SMYD3: variants seen among roughly 807,000 people sequenced by gnomAD.
The protein encoded by SMYD3 is histone-lysine N-methyltransferase SMYD3.
A neutral mutation model predicts 57.7 loss-of-function variants in SMYD3; 36 were observed. The observed-to-expected ratio is 0.62, with a 90% CI of 0.48 to 0.82. The LOEUF (loss-of-function observed/expected upper bound fraction) is 0.82, where lower values mean the gene tolerates loss of function less well. Among genes scored for constraint, SMYD3 ranks in the 40% least tolerant of loss-of-function variants. The pLI, the probability that SMYD3 is intolerant of heterozygous loss-of-function variation, is 0.00. For synonymous variants in SMYD3, 211 were observed against 195.0 expected (o/e 1.08, Z -0.68); for missense variants, 515 against 538.8 (o/e 0.96, Z 0.44).
At chr1:246,079,405 G>T (rs149008945) in intron 5 of SMYD3, among the ~76,000 whole-genome samples, 2 of 152,190 alleles carry the variant, frequency 1.3e-5, no homozygotes, top group African/African-American at 4.8e-5. Context: ...GAAGATTGAT[G>T]TATTTATTAC....
At chr1:246,400,392 A>T (rs993849623) in intron 1 of SMYD3, among the ~76,000 whole-genome samples, 1 of 152,154 alleles carries the variant, frequency 6.6e-6, no homozygotes, top group Non-Finnish European at 1.5e-5. Flanking sequence ...TTTCAAAGCC[A>T]TTATTTATTT....
chr1:246,378,253 G>T (rs182044870), intron 1 of SMYD3, among the ~76,000 whole-genome samples: 1 of 152,262 alleles, frequency 6.6e-6, no homozygotes, highest in East Asian at 1.9e-4. Flanking sequence ...TTAAAATTTA[G>T]TTGACCACTG....
intron 5 of SMYD3, among the ~76,000 whole-genome samples, chr1:246,302,541 G>T (rs2064908645): frequency 6.6e-6 from 1 of 152,104 alleles, no homozygotes; most frequent in African/African-American, 2.4e-5. Context: ...GAAAACAGAA[G>T]ACTACTTCTG....
At chr1:246,273,135 CTT>C (rs71299006) in intron 5 of SMYD3, among the ~76,000 whole-genome samples, 1,703 of 107,588 alleles carry the variant, frequency 0.016, 32 homozygotes, top group African/African-American at 0.058. Context: ...TCCCTGTTTT[CTT>C]TTTTTTTTTT....
At chr1:246,430,242 T>C (rs2067276723) in intron 1 of SMYD3, among the ~76,000 whole-genome samples, 1 of 152,156 alleles carries the variant, frequency 6.6e-6, no homozygotes, top group African/African-American at 2.4e-5. Context: ...ATCAATAAAA[T>C]ACAGGGGCTC....
intron 5 of SMYD3, among the ~76,000 whole-genome samples, chr1:246,047,376 A>C (rs188703112): frequency 2.0e-5 from 3 of 152,250 alleles, no homozygotes; most frequent in Non-Finnish European, 4.4e-5. Context: ...CCAAGTGTTA[A>C]ATCACTCAAT....
intron 10 of SMYD3, among the ~76,000 whole-genome samples, chr1:245,791,037 TG>T (rs1452246219): frequency 6.6e-6 from 1 of 152,124 alleles, no homozygotes; most frequent in Non-Finnish European, 1.5e-5. Flanking sequence ...GTGCAGGAAC[TG>T]GGGAGAAAGG....
chr1:246,010,731 T>C (rs1266100398), intron 5 of SMYD3, among the ~76,000 whole-genome samples: 1 of 152,230 alleles, frequency 6.6e-6, no homozygotes, highest in Non-Finnish European at 1.5e-5. Flanking sequence ...AGGGCTAAAA[T>C]AATTGTTCCA....
intron 5 of SMYD3, among the ~76,000 whole-genome samples, chr1:246,012,045 C>A (rs1011048052): frequency 1.3e-5 from 2 of 152,108 alleles, no homozygotes; most frequent in Admixed American, 6.5e-5. Context: ...TATCATTATC[C>A]ACTGATACTG....
chr1:246,457,360 C>T (rs1245453407), intron 1 of SMYD3, among the ~76,000 whole-genome samples: 7 of 151,576 alleles, frequency 4.6e-5, no homozygotes, highest in African/African-American at 1.7e-4. Context: ...GGTGAAACCC[C>T]GTCTCTATTA....
intron 8 of SMYD3, among the ~76,000 whole-genome samples, chr1:245,904,187 C>CCA (rs2054391988): frequency 6.6e-6 from 1 of 152,088 alleles, no homozygotes; most frequent in South Asian, 2.1e-4. Context: ...ATCATGGGGG[C>CCA]TGTTTTCCTG....
intron 5 of SMYD3, among the ~76,000 whole-genome samples, chr1:246,099,678 A>G (rs2060975906): frequency 6.6e-6 from 1 of 152,196 alleles, no homozygotes; most frequent in Non-Finnish European, 1.5e-5. Context: ...AAGGGAAAAA[A>G]AACACCCTTG....
At chr1:246,236,071 A>G (rs2063508592) in intron 5 of SMYD3, among the ~76,000 whole-genome samples, 1 of 152,208 alleles carries the variant, frequency 6.6e-6, no homozygotes, top group African/African-American at 2.4e-5. Flanking sequence ...TTGAGGGCTC[A>G]TAAGGCAGAA....
At chr1:245,905,759 G>A (rs141004066) in intron 8 of SMYD3, among the ~76,000 whole-genome samples, 26 of 152,292 alleles carry the variant, frequency 1.7e-4, no homozygotes, top group African/African-American at 5.8e-4. Context: ...GGTCTTGGGC[G>A]AGACCCAGCA....
chr1:245,972,351 G>A, intron 5 of SMYD3, among the ~76,000 whole-genome samples: 1 of 152,158 alleles, frequency 6.6e-6, no homozygotes, highest in Admixed American at 6.5e-5. Context: ...CAACAACACA[G>A]TGTTCAATGG....
chr1:246,400,177 C>T (rs2066744532), intron 1 of SMYD3, among the ~76,000 whole-genome samples: 1 of 152,340 alleles, frequency 6.6e-6, no homozygotes, highest in Middle Eastern at 3.4e-3. Flanking sequence ...TTTAACAGGT[C>T]ACTCGTTCAT....
chr1:246,296,859 A>T (rs936122478), intron 5 of SMYD3, among the ~76,000 whole-genome samples: 2 of 152,212 alleles, frequency 1.3e-5, no homozygotes, highest in African/African-American at 4.8e-5. Context: ...CTTAGTACAG[A>T]TAACATATTT....
Position 245,873,339 on chromosome 1 carries a change from GACT to G in SMYD3, c.814-9456_814-9454del, listed in dbSNP as rs148734680. 3.3e-3 allele frequency among the ~76,000 whole-genome samples: 510 copies of G among 152,316 alleles called. 7 individuals are homozygous for G. The East Asian group carries it at 0.047, about 14-fold the overall frequency. On this transcript the variant is annotated intron_variant, in intron 8 of 11. Coordinates refer to ENST00000490107, the MANE Select transcript of SMYD3 (RefSeq NM_001167740.2). ...CAAATTCTTTTCACATCTGTAGAGA[GACT>G]ACCAAATGGATGGCTTAGGCTGCTG...
intron 1 of SMYD3, among the ~76,000 whole-genome samples, chr1:246,360,569 C>T (rs543554715): frequency 1.3e-5 from 2 of 152,248 alleles, no homozygotes; most frequent in South Asian, 4.2e-4. Context: ...TACAAGGCCA[C>T]AGTCACCAAA....
Sources: allele counts gnomAD v4.1 joint callset (sites outside exome capture counted in the v4.1 genomes callset), GRCh38; gene constraint gnomAD v4.1.1; transcripts MANE v1.5; gene names NCBI Gene and HGNC (gene_info 2026-07-23, HGNC 2026-07-21).